Variants in ADAT1 observed in about 807,000 individuals in gnomAD.
The protein encoded by ADAT1 is tRNA-specific adenosine deaminase 1.
Under a neutral mutation model 58.6 loss-of-function variants are expected in ADAT1, and 58 were observed. That is an observed-to-expected ratio of 0.99 (90% CI 0.80 to 1.23). The LOEUF (loss-of-function observed/expected upper bound fraction) is 1.23, where lower values mean the gene tolerates loss of function less well. Among genes scored for constraint, ADAT1 ranks in the 50% most tolerant of loss-of-function variants. ADAT1 has a pLI of 0.00. For missense variants in ADAT1, 741 were observed against 608.6 expected (o/e 1.22, Z -2.29); for synonymous variants, 254 against 220.8 (o/e 1.15, Z -1.33).
Position 75,599,777 on chromosome 16 carries a change from T to C in ADAT1, c.*439A>G. 1.0e-6 allele frequency: 1 copy of C among 992,906 alleles called. No individual in the cohort carries two copies. Among genetic ancestry groups the C allele is most frequent in the Non-Finnish European group, 1.2e-6 (1 of 834,478 alleles). The allele number at this position is 992,906 out of a possible 1,614,324, so 61.5% of individuals were successfully genotyped here. The stretch of plus-strand genomic sequence containing the variant: ...CACTGAAGAATGGGAAAAGAATGGC[T>C]CCCTGAAGAAAGAAAGGCTGGGAAT... On this transcript the variant is annotated 3_prime_UTR_variant, in exon 10 of 10. Transcript: ENST00000564657.
chr16:75,620,474 C>T, intron 2 of ADAT1, 140 bp from the exon 3 acceptor site: 1 of 1,377,146 alleles, frequency 7.3e-7, no homozygotes, highest in South Asian at 1.2e-5. Flanking sequence ...ATGGCGGTCT[C>T]CCGCCATCAG....
In ADAT1 at chr16:75,598,854, A is replaced by T. The variant is rs2081143699; in HGVS notation, c.*1362T>A. 1.0e-6 allele frequency: 1 copy of T among 975,110 alleles called. No individual in the cohort carries two copies. Among genetic ancestry groups the T allele is most frequent in the African/African-American group, 1.8e-5 (1 of 56,982 alleles). 60.4% of individuals were successfully genotyped at this position (975,110 alleles called of 1,614,324 possible). On this transcript the variant is annotated 3_prime_UTR_variant, in exon 10 of 10. Coordinates refer to ENST00000564657, the MANE Select transcript of ADAT1 (RefSeq NM_001324445.2). ...TAAAATGTATACTTTAGTTGGGTGA[A>T]TTTTATGGTCTGTGAATTATATCTC...
At chr16:75,600,436 G>C in intron 9 of ADAT1, 88 bp from the exon 10 acceptor site, 1 of 1,551,988 alleles carries the variant, frequency 6.4e-7, no homozygotes, top group Non-Finnish European at 8.7e-7. Context: ...CAACTGGACA[G>C]ACTTGTAATG....
At position 75,612,417 on chromosome 16, in the gene ADAT1, C is replaced by T. The variant is rs372845498; in HGVS notation, c.869G>A (p.Arg290His). ...GGACATGGAGCGTGTTCTGTCTCCA[C>T]GGCCTGGCTTCACTCGGAGCAGCCC... is the stretch of plus-strand genomic sequence containing the variant. ...QVGLLRVKPG[R>H]GDRTRSMSCS... The change falls in exon 6 of 10, where the codon CGT (arginine) becomes CAT (histidine). Residue 290 changes from arginine to histidine, a missense_variant. Transcript: ENST00000564657. 2.9e-5 allele frequency: 47 copies of T among 1,614,110 alleles called. No homozygotes were observed. Among genetic ancestry groups the T allele is most frequent in the African/African-American group, 2.5e-4 (19 of 74,938 alleles).
At chr16:75,607,416 C>T (rs1212042285) in intron 8 of ADAT1, among the ~76,000 whole-genome samples, 1 of 151,280 alleles carries the variant, frequency 6.6e-6, no homozygotes, top group Non-Finnish European at 1.5e-5. Flanking sequence ...GCAGGAGAAT[C>T]GCTTGAACCC....
chr16:75,597,719 G>A lies in ADAT1; in HGVS notation c.*2497C>T, dbSNP rs2081109247. Among the ~76,000 whole-genome samples, 1 of 152,224 alleles carries A rather than the reference G, an allele frequency of 6.6e-6. No individual in the cohort carries two copies. Among genetic ancestry groups the A allele is most frequent in the South Asian group, 2.1e-4 (1 of 4,832 alleles). ...CCATATGGGGGTTATGGAAGACACTGACAGATCATCAGGCATTATATTCTC... is the reference window on the plus strand; with the variant it reads ...CCATATGGGGGTTATGGAAGACACTAACAGATCATCAGGCATTATATTCTC... On this transcript the variant is annotated 3_prime_UTR_variant, in exon 10 of 10. Transcript: ENST00000564657.
chr16:75,617,913 C>T (rs2081787660), intron 4 of ADAT1, among the ~76,000 whole-genome samples: 1 of 128,718 alleles, frequency 7.8e-6, no homozygotes, highest in Non-Finnish European at 1.6e-5. Context: ...ATAGTGACAC[C>T]CTGTCTTTAA....
At position 75,612,990 on chromosome 16, in the gene ADAT1, A is replaced by C. The variant is rs146891178; in HGVS notation, c.425-129T>G. The C allele has an allele frequency of 4.7e-3, 5,465 of 1,154,174 alleles. 13 individuals carry two copies. The highest frequency in any genetic ancestry group is 5.6e-3 in the Non-Finnish European group (4,655 of 828,498). The allele number at this position is 1,154,174 out of a possible 1,614,324, so 71.5% of individuals were successfully genotyped here. On this transcript the variant is annotated intron_variant, in intron 5 of 9. Transcript: ENST00000564657. ...ACCCACAGTAGACCTGCTGAATCAG[A>C]AACTCCGGAGGCAGAGCCCAGCAGT...
At position 75,612,234 on chromosome 16, in the gene ADAT1, C is replaced by T; in HGVS notation, c.1043+9G>A. ...GACTGTTCCAATTGAGCCCTCCCTA[C>T]CCTCTCACCTTCCAATCAGTGCTCT... On this transcript the variant is annotated intron_variant, in intron 6 of 9. Coordinates refer to ENST00000564657, the MANE Select transcript of ADAT1 (RefSeq NM_001324445.2). 6.2e-7 allele frequency: 1 copy of T among 1,611,814 alleles called. No individual in the cohort carries two copies. Among genetic ancestry groups the T allele is most frequent in the East Asian group, 2.2e-5 (1 of 44,818 alleles).
chr16:75,612,593 G>A lies in ADAT1; in HGVS notation c.693C>T (p.His231=), dbSNP rs117402310. 11,792 of 1,614,134 alleles carry A rather than the reference G, an allele frequency of 7.3e-3. 60 individuals carry two copies. The highest frequency in any genetic ancestry group is 8.6e-3 in the Non-Finnish European group (10,104 of 1,180,034). The change falls in exon 6 of 10, where the codon CAC becomes CAT. Residue 231 remains histidine (H), a synonymous_variant. Coordinates refer to ENST00000564657, the MANE Select transcript of ADAT1 (RefSeq NM_001324445.2). ...QKSGPISPGI[H]SCDLTVEGLA... is the part of the protein sequence containing the mutation. ...GTCCCTCTACAGTGAGATCACAGCTGTGGATGCCTGGTGAGATTGGGCCAC... is the reference window on the plus strand; with the variant it reads ...GTCCCTCTACAGTGAGATCACAGCTATGGATGCCTGGTGAGATTGGGCCAC...
At chr16:75,608,075 G>C (rs1419545328) in intron 8 of ADAT1, 149 bp downstream of exon 8, 1 of 641,188 alleles carries the variant, frequency 1.6e-6, no homozygotes, top group Admixed American at 2.4e-5. Context: ...TAAATTAGAG[G>C]TTTCCAAGGG....
At position 75,603,406 on chromosome 16, in the gene ADAT1, C is replaced by G. The variant is rs576906567; in HGVS notation, c.1290-235G>C. ...CCATGGGATCATTAAAGTAACAAGC[C>G]CAAACGGGTACCCTGAGGTGCAATT... On this transcript the variant is annotated intron_variant, in intron 8 of 9. Transcript: ENST00000564657. Among the ~76,000 whole-genome samples, 59 of 152,218 alleles carry G rather than the reference C, an allele frequency of 3.9e-4. No individual in the cohort carries two copies. The Middle Eastern group carries it at 0.01, about 26-fold the overall frequency.
intron 3 of ADAT1, chr16:75,619,562 C>A (rs2081860759): frequency 8.9e-6 from 4 of 451,156 alleles, no homozygotes; most frequent in African/African-American, 4.0e-5. Flanking sequence ...AAATAAAAAC[C>A]CCCAGATCTC....
intron 9 of ADAT1, among the ~76,000 whole-genome samples, 177 bp downstream of exon 9, chr16:75,602,908 T>A (rs1275091181): frequency 6.6e-6 from 1 of 152,180 alleles, no homozygotes; most frequent in African/African-American, 2.4e-5. Flanking sequence ...ATCCTCTGCA[T>A]CTCAGATCAT....
At position 75,598,803 on chromosome 16, in the gene ADAT1, G is replaced by A. The variant is rs1215680027; in HGVS notation, c.*1413C>T. On this transcript the variant is annotated 3_prime_UTR_variant, in exon 10 of 10. Transcript: ENST00000564657. ...CAAAGTGTTGGAATTACAGGCGTAA[G>A]CCACCGTGCCCGGCCTAAAAACTTT... 7 of 777,848 alleles carry A rather than the reference G, an allele frequency of 9.0e-6. No homozygotes were observed. Among genetic ancestry groups the A allele is most frequent in the African/African-American group, 5.7e-5 (3 of 53,038 alleles). 48.2% of individuals were successfully genotyped at this position (777,848 alleles called of 1,614,324 possible). A position where few individuals can be genotyped will look rare whatever the true frequency, so the allele number is the denominator to read the frequency against.
rs570348851 is a variant in ADAT1 at position 75,620,258 on chromosome 16, G to A, written c.238+8C>T. On this transcript the variant is annotated splice_region_variant and intron_variant, in intron 3 of 9. Transcript: ENST00000564657. Reference sequence around the variant, plus strand: ...TAAATCTTTGTTTAGATTCCCACCCGTGCTTACCGTTCTTCCTCATTTTGG... The same window carrying A: ...TAAATCTTTGTTTAGATTCCCACCCATGCTTACCGTTCTTCCTCATTTTGG... 19 of 1,613,784 alleles carry A rather than the reference G, an allele frequency of 1.2e-5. No individual in the cohort carries two copies. The highest frequency in any genetic ancestry group is 1.7e-4 in the Middle Eastern group (1 of 6,060).
At chr16:75,618,437 C>A (rs1039290015) in intron 4 of ADAT1, 149 bp downstream of exon 4, 2 of 398,528 alleles carry the variant, frequency 5.0e-6, no homozygotes, top group African/African-American at 4.2e-5. Flanking sequence ...ACCCAGCAGG[C>A]GGAGGTTGCA....
At position 75,598,814 on chromosome 16, in the gene ADAT1, C is replaced by T. The variant is rs1466295723; in HGVS notation, c.*1402G>A. Reference sequence around the variant, plus strand: ...AATTACAGGCGTAAGCCACCGTGCCCGGCCTAAAAACTTTTAAAATGTATA... The same window carrying T: ...AATTACAGGCGTAAGCCACCGTGCCTGGCCTAAAAACTTTTAAAATGTATA... On this transcript the variant is annotated 3_prime_UTR_variant, in exon 10 of 10. Transcript: ENST00000564657. 9 of 875,588 alleles carry T rather than the reference C, an allele frequency of 1.0e-5. No homozygotes were observed. The highest frequency in any genetic ancestry group is 1.2e-4 in the East Asian group (1 of 8,214). The allele number at this position is 875,588 out of a possible 1,614,324, so 54.2% of individuals were successfully genotyped here.
chr16:75,603,058 T>C, intron 9 of ADAT1, 27 bp downstream of exon 9: 3 of 1,598,866 alleles, frequency 1.9e-6, no homozygotes, highest in Non-Finnish European at 2.6e-6. Context: ...TACCTAAATA[T>C]GAGAAAACAT....
Sources: gnomAD v4.1 joint callset for allele counts (sites outside exome capture counted in the v4.1 genomes callset) on GRCh38, gnomAD v4.1.1 for gene constraint, MANE v1.5 for transcripts, NCBI Gene and HGNC (gene_info 2026-07-23, HGNC 2026-07-21) for gene names.